BRMS1L: variants seen among roughly 807,000 people sequenced by gnomAD.
The protein encoded by BRMS1L is BRMS1 like transcriptional repressor.
BRMS1L carries 23 observed loss-of-function variants against 50.3 expected under a neutral mutation model. The ratio of observed to expected loss-of-function variants is 0.46; its 90% CI spans 0.33 to 0.65. The LOEUF (loss-of-function observed/expected upper bound fraction) is 0.65. Among genes scored for constraint, BRMS1L ranks in the 30% least tolerant of loss-of-function variants. The probability of loss-of-function intolerance (pLI) is 0.02; values close to 1 mark genes in which losing one functional copy is unlikely to be tolerated. For missense variants in BRMS1L, 286 were observed against 386.1 expected (o/e 0.74, Z 2.17); for synonymous variants, 114 against 126.9 (o/e 0.90, Z 0.69).
chr14:35,854,901 A>T (rs549349800), intron 4 of BRMS1L, among the ~76,000 whole-genome samples: 1 of 152,240 alleles, frequency 6.6e-6, no homozygotes, highest in African/African-American at 2.4e-5. Flanking sequence ...TGGAAGGTGC[A>T]GGTAGTCTGT....
At chr14:35,868,762 A>G (rs1408024381) in intron 9 of BRMS1L, among the ~76,000 whole-genome samples, 1 of 152,214 alleles carries the variant, frequency 6.6e-6, no homozygotes, top group Non-Finnish European at 1.5e-5. Flanking sequence ...TGGGCAACAG[A>G]GTGAGACCTT....
intron 6 of BRMS1L, 127 bp downstream of exon 6, chr14:35,864,080 T>A (rs1394073963): frequency 2.7e-6 from 2 of 753,420 alleles, no homozygotes; most frequent in Non-Finnish European, 4.4e-6. Flanking sequence ...AAAAGATGAT[T>A]TATTTATAAA....
At chr14:35,854,642 C>G (rs1296889419) in intron 4 of BRMS1L, among the ~76,000 whole-genome samples, 1 of 152,198 alleles carries the variant, frequency 6.6e-6, no homozygotes, top group African/African-American at 2.4e-5. Flanking sequence ...TCCATTATCT[C>G]TTTATTCAGC....
At chr14:35,841,780 A>G (rs1369772745) in intron 4 of BRMS1L, among the ~76,000 whole-genome samples, 1 of 152,184 alleles carries the variant, frequency 6.6e-6, no homozygotes, top group Non-Finnish European at 1.5e-5. Flanking sequence ...GTGGGATGTT[A>G]AAGTCTCTCA....
At chr14:35,845,230 A>T (rs2078117873) in intron 4 of BRMS1L, among the ~76,000 whole-genome samples, 1 of 152,128 alleles carries the variant, frequency 6.6e-6, no homozygotes, top group Non-Finnish European at 1.5e-5. Flanking sequence ...ACTTGTTTTA[A>T]TGGCACTGAT....
rs980976081 is a variant in BRMS1L, at chr14:35,826,494, G to C, written c.-23G>C. 1 of 1,565,288 alleles carries C rather than the reference G, an allele frequency of 6.4e-7. No homozygotes were observed. Among genetic ancestry groups the C allele is most frequent in the African/African-American group, 1.3e-5 (1 of 74,154 alleles). ...GTGGCCGGGCTGGGCGCCGGTAGTGGAAAGCGACGGCGCGGCTGGAAAATG... is the reference window on the plus strand; with the variant it reads ...GTGGCCGGGCTGGGCGCCGGTAGTGCAAAGCGACGGCGCGGCTGGAAAATG... On this transcript the variant is annotated 5_prime_UTR_variant, in exon 1 of 10. Coordinates refer to ENST00000216807, the MANE Select transcript of BRMS1L (RefSeq NM_032352.4).
intron 4 of BRMS1L, among the ~76,000 whole-genome samples, chr14:35,852,009 T>C (rs2078217832): frequency 6.6e-6 from 1 of 152,224 alleles, no homozygotes; most frequent in South Asian, 2.1e-4. Context: ...GACAGTACTA[T>C]ACTGTTTTGA....
Position 35,834,841 on chromosome 14 carries a change from C to A in BRMS1L, c.362-3C>A. ...TAATCAGAGTAATTGTGTTTGGTTG[C>A]AGGAATCTATAGAGAGCTCTGCTTA... is the stretch of plus-strand genomic sequence containing the variant. On this transcript the variant is annotated splice_polypyrimidine_tract_variant and splice_region_variant and intron_variant, in intron 3 of 9. Coordinates refer to ENST00000216807, the MANE Select transcript of BRMS1L (RefSeq NM_032352.4). 2 of 1,540,512 alleles carry A rather than the reference C, an allele frequency of 1.3e-6. No homozygotes were observed.
At chr14:35,856,847 C>G (rs1318434833) in intron 4 of BRMS1L, among the ~76,000 whole-genome samples, 1 of 152,090 alleles carries the variant, frequency 6.6e-6, no homozygotes, top group Non-Finnish European at 1.5e-5. Flanking sequence ...CTCCTGGCCT[C>G]AAGTGATCCT....
At chr14:35,869,635 CG>C (rs1489863772) in intron 9 of BRMS1L, among the ~76,000 whole-genome samples, 3 of 152,044 alleles carry the variant, frequency 2.0e-5, no homozygotes, top group Non-Finnish European at 2.9e-5. Flanking sequence ...ATCACAAGGT[CG>C]GGAGTTCAAG....
chr14:35,832,661 TTTCTC>T (rs1425373015), intron 2 of BRMS1L, among the ~76,000 whole-genome samples: 4 of 152,252 alleles, frequency 2.6e-5, no homozygotes, highest in African/African-American at 9.6e-5. Context: ...TAAATGACCT[TTTCTC>T]TTAGAATTGG....
intron 9 of BRMS1L, among the ~76,000 whole-genome samples, chr14:35,868,392 T>A (rs2078447946): frequency 6.6e-6 from 1 of 152,208 alleles, no homozygotes; most frequent in African/African-American, 2.4e-5. Flanking sequence ...TTTAACTTTT[T>A]TGGATGTGTT....
Position 35,826,411 on chromosome 14 carries a change from A to G in BRMS1L, c.-106A>G. The G allele has an allele frequency of 6.6e-7, 1 of 1,512,762 alleles. No homozygotes were observed. Among genetic ancestry groups the G allele is most frequent in the Non-Finnish European group, 8.9e-7 (1 of 1,124,278 alleles). 93.7% of individuals were successfully genotyped at this position (1,512,762 alleles called of 1,614,324 possible). On this transcript the variant is annotated 5_prime_UTR_variant, in exon 1 of 10. Coordinates refer to ENST00000216807, the MANE Select transcript of BRMS1L (RefSeq NM_032352.4). The stretch of plus-strand genomic sequence containing the variant: ...GGGGCGGGGAGGAGCCAAGGGGGCG[A>G]GCAAGCTCGGTGGCTGGGTGGGTTG...
chr14:35,847,232 C>A (rs1439771823), intron 4 of BRMS1L, among the ~76,000 whole-genome samples: 2 of 152,132 alleles, frequency 1.3e-5, no homozygotes, highest in Non-Finnish European at 2.9e-5. Flanking sequence ...GCCACCTTGG[C>A]CTCCCAAAGT....
intron 4 of BRMS1L, among the ~76,000 whole-genome samples, chr14:35,835,398 C>T (rs539228153): frequency 1.8e-3 from 280 of 152,134 alleles, no homozygotes; most frequent in Non-Finnish European, 3.4e-3. Context: ...GCATTTAACC[C>T]ATTTATGCTG....
Position 35,834,858 on chromosome 14 carries a change from C to A in BRMS1L, c.376C>A (p.Leu126Ile). The A allele has an allele frequency of 6.3e-7, 1 of 1,580,272 alleles. No homozygotes were observed. The highest frequency in any genetic ancestry group is 8.6e-7 in the Non-Finnish European group (1 of 1,163,810). Residue 126 changes from leucine to isoleucine, a missense_variant, in exon 4 of 10, where the codon CTC (leucine) becomes ATC (isoleucine). Physicochemically the swap from Leu to Ile is conservative, Grantham distance 5 (BLOSUM62 2). Around this residue, in one of 5 missense-constraint regions of BRMS1L, gnomAD observed 160 missense variants for 240.6 expected, o/e 0.66. Coordinates refer to ENST00000216807, the MANE Select transcript of BRMS1L (RefSeq NM_032352.4). Reference protein sequence around the residue: ...RTKVAGIYRELCLESVKNKYE... With the variant: ...RTKVAGIYREICLESVKNKYE... ...TTTGGTTGCAGGAATCTATAGAGAG[C>A]TCTGCTTAGAATCTGTAAAGAACAA...
intron 4 of BRMS1L, among the ~76,000 whole-genome samples, chr14:35,843,924 G>C (rs1184918810): frequency 6.6e-6 from 1 of 152,188 alleles, no homozygotes; most frequent in African/African-American, 2.4e-5. Context: ...GGCTACAATG[G>C]CTTTGTGGCA....
intron 9 of BRMS1L, 32 bp downstream of exon 9, chr14:35,868,064 C>G: frequency 6.4e-7 from 1 of 1,559,718 alleles, no homozygotes; most frequent in Non-Finnish European, 8.6e-7. Context: ...CAGTGTTGCT[C>G]AGTATTGTCA....
In BRMS1L at chr14:35,870,444, A is replaced by G; in HGVS notation, c.939A>G (p.Leu313=). ...GSKSKLYISQ[L]QKGKYSIKHS ...AATCTAAGCTTTACATTTCACAGCTACAGAAAGGAAAATATTCAATTAAAC... is the reference window on the plus strand; with the variant it reads ...AATCTAAGCTTTACATTTCACAGCTGCAGAAAGGAAAATATTCAATTAAAC... Residue 313 remains leucine (L), a synonymous_variant, in exon 10 of 10, where the codon CTA becomes CTG. Transcript: ENST00000216807. The G allele has an allele frequency of 6.2e-7, 1 of 1,606,740 alleles. No homozygotes were observed. The highest frequency in any genetic ancestry group is 8.5e-7 in the Non-Finnish European group (1 of 1,175,732).
Sources: allele counts gnomAD v4.1 joint callset (sites outside exome capture counted in the v4.1 genomes callset), GRCh38; gene constraint gnomAD v4.1.1; regional missense constraint gnomAD v4.1.1; transcripts MANE v1.5; gene names NCBI Gene and HGNC (gene_info 2026-07-23, HGNC 2026-07-21).